The following SDK1 variants were observed in gnomAD, a reference collection of about 807,000 sequenced individuals.
SDK1 encodes the protein protein sidekick-1.
Under a neutral mutation model 245.5 loss-of-function variants are expected in SDK1, and 157 were observed. The ratio of observed to expected loss-of-function variants is 0.64; its 90% CI spans 0.56 to 0.73. The LOEUF is 0.73. Among genes scored for constraint, SDK1 ranks in the 30% least tolerant of loss-of-function variants. SDK1 has a pLI of 0.00. For missense variants in SDK1, 3,583 were observed against 3,002.3 expected, an observed-to-expected ratio of 1.19 and a Z score of -4.52; for synonymous variants, 1,647 against 1,278.5, an observed-to-expected ratio of 1.29 and a Z score of -6.15.
chr7:3,990,958 T>TA (rs761602321), intron 14 of SDK1, among the ~76,000 whole-genome samples: 1 of 152,216 alleles, frequency 6.6e-6, no homozygotes, highest in Non-Finnish European at 1.5e-5. Flanking sequence ...ACCTACCTGT[T>TA]ACAGCGGTGA....
intron 2 of SDK1, among the ~76,000 whole-genome samples, chr7:3,622,589 C>G (rs933022955): frequency 6.6e-6 from 1 of 152,170 alleles, no homozygotes; most frequent in African/African-American, 2.4e-5. Context: ...AACTTGCAGT[C>G]AACTTAAAAC....
At position 3,699,867 on chromosome 7, in the gene SDK1, C is replaced by T. The variant is rs577391779; in HGVS notation, c.713+57762C>T. On this transcript the variant is annotated intron_variant, in intron 4 of 44. Coordinates refer to ENST00000404826, the MANE Select transcript of SDK1 (RefSeq NM_152744.4). ...AACCTTTCAAGAAGCCGAGAGAATC[C>T]CAAGATCAAAGAAATGCACATCAAG... 9.2e-5 allele frequency among the ~76,000 whole-genome samples: 14 copies of T among 152,054 alleles called. No individual in the cohort carries two copies. In the South Asian group the frequency reaches 2.7e-3, roughly 29 times the overall value.
chr7:3,843,652 G>C (rs777959541), intron 5 of SDK1, among the ~76,000 whole-genome samples: 16 of 152,094 alleles, frequency 1.1e-4, no homozygotes, highest in Non-Finnish European at 2.1e-4. Context: ...TTACACAAAA[G>C]GGCCTTATTA....
At chr7:3,353,319 G>C (rs1030509570) in intron 1 of SDK1, among the ~76,000 whole-genome samples, 1 of 152,022 alleles carries the variant, frequency 6.6e-6, no homozygotes, top group Non-Finnish European at 1.5e-5. Flanking sequence ...GGGTTATTTT[G>C]AAAATTGATG....
intron 2 of SDK1, among the ~76,000 whole-genome samples, chr7:3,621,367 G>A (rs1781933288): frequency 6.6e-6 from 1 of 152,090 alleles, no homozygotes; most frequent in Non-Finnish European, 1.5e-5. Flanking sequence ...AGTACAGTAA[G>A]GCCCACATCA....
intron 23 of SDK1, among the ~76,000 whole-genome samples, chr7:4,111,376 G>C (rs1783333672): frequency 6.6e-6 from 1 of 152,218 alleles, no homozygotes; most frequent in South Asian, 2.1e-4. Flanking sequence ...ATCACCAGAT[G>C]TTGAGTTTGA....
chr7:3,845,618 C>G (rs571127443), intron 5 of SDK1, among the ~76,000 whole-genome samples: 1 of 151,676 alleles, frequency 6.6e-6, no homozygotes, highest in South Asian at 2.1e-4. Context: ...CCCTAAAAGC[C>G]ACTCTTGGCT....
rs1788428727 is a variant in SDK1, at chr7:4,265,753, G to A, written c.*369G>A. On this transcript the variant is annotated 3_prime_UTR_variant, in exon 45 of 45. Transcript: ENST00000404826. ...GTCAAGCGGGGAGAGGGAGTGGAGG[G>A]TCAGGTGAGATCTCAGAGCTGCCCC... 9.6e-7 allele frequency: 1 copy of A among 1,045,032 alleles called. No individual in the cohort carries two copies. Among genetic ancestry groups the A allele is most frequent in the African/African-American group, 1.7e-5 (1 of 58,758 alleles). 64.7% of individuals were successfully genotyped at this position (1,045,032 alleles called of 1,614,324 possible).
chr7:3,644,792 AC>A (rs869052654), intron 4 of SDK1, among the ~76,000 whole-genome samples: 1,930 of 116,318 alleles, frequency 0.017, 51 homozygotes, highest in South Asian at 0.03. Flanking sequence ...AAAAAAAAAA[AC>A]AAAAAACAAC....
chr7:4,063,068 T>A (rs1268762908), intron 19 of SDK1, among the ~76,000 whole-genome samples: 1 of 152,082 alleles, frequency 6.6e-6, no homozygotes, highest in African/African-American at 2.4e-5. Flanking sequence ...CCCACTTTCA[T>A]CACACCTATT....
chr7:3,942,830 G>A (rs116172566), intron 5 of SDK1, among the ~76,000 whole-genome samples: 365 of 152,286 alleles, frequency 2.4e-3, no homozygotes, highest in African/African-American at 8.3e-3. Flanking sequence ...TAACAAAGCC[G>A]CTTCTCGTTG....
chr7:4,155,434 G>A (rs950273902), intron 30 of SDK1, among the ~76,000 whole-genome samples: 3 of 152,190 alleles, frequency 2.0e-5, no homozygotes, highest in East Asian at 1.9e-4. Context: ...ACGTGTGCCC[G>A]GCTCAGTGCC....
chr7:3,646,392 TA>T (rs1298744923), intron 4 of SDK1, among the ~76,000 whole-genome samples: 1 of 151,832 alleles, frequency 6.6e-6, no homozygotes, highest in Non-Finnish European at 1.5e-5. Context: ...AATATCCTAT[TA>T]ATAATCTTAA....
At chr7:3,462,063 G>A (rs1466761035) in intron 1 of SDK1, among the ~76,000 whole-genome samples, 1 of 152,098 alleles carries the variant, frequency 6.6e-6, no homozygotes, top group Admixed American at 6.6e-5. Context: ...AAAGCTCCCG[G>A]AAAGAGTTGT....
chr7:4,078,455 G>A (rs996124465), intron 21 of SDK1, among the ~76,000 whole-genome samples: 1 of 152,138 alleles, frequency 6.6e-6, no homozygotes, highest in Admixed American at 6.5e-5. Flanking sequence ...GGACCCTTGA[G>A]ATCCTACAGA....
intron 42 of SDK1, among the ~76,000 whole-genome samples, chr7:4,241,136 C>T (rs1429905187): frequency 6.6e-6 from 1 of 152,022 alleles, no homozygotes; most frequent in African/African-American, 2.4e-5. Flanking sequence ...TTGAAGTGTG[C>T]GGTTCAGTGG....
chr7:3,897,385 C>T (rs1781638846), intron 5 of SDK1, among the ~76,000 whole-genome samples: 1 of 152,146 alleles, frequency 6.6e-6, no homozygotes, highest in African/African-American at 2.4e-5. Flanking sequence ...GCCCCTGGCA[C>T]CCACCATTGT....
At chr7:3,402,582 A>C (rs964579063) in intron 1 of SDK1, among the ~76,000 whole-genome samples, 1 of 152,240 alleles carries the variant, frequency 6.6e-6, no homozygotes, top group African/African-American at 2.4e-5. Flanking sequence ...CAAGTGAAAT[A>C]AGAATGTGCA....
chr7:4,112,575 T>A (rs1783416535), intron 23 of SDK1, among the ~76,000 whole-genome samples: 1 of 152,178 alleles, frequency 6.6e-6, no homozygotes, highest in Non-Finnish European at 1.5e-5. Flanking sequence ...CATAGCTACT[T>A]GCACTTTAAC....
Sources: allele counts gnomAD v4.1 joint callset (sites outside exome capture counted in the v4.1 genomes callset), GRCh38; gene constraint gnomAD v4.1.1; transcripts MANE v1.5; gene names NCBI Gene and HGNC (gene_info 2026-07-23, HGNC 2026-07-21).